Variants in SMC6 observed in about 807,000 individuals in gnomAD.
SMC6 encodes the protein structural maintenance of chromosomes protein 6.
In SMC6, 79 loss-of-function variants were observed where a neutral mutation model predicts 142.2. The ratio of observed to expected loss-of-function variants is 0.56; its 90% CI spans 0.46 to 0.67. The LOEUF is 0.67. Ranked by LOEUF, SMC6 falls within the 30% of genes least tolerant of loss-of-function variation. The probability of loss-of-function intolerance (pLI) is 0.00; values close to 1 mark genes in which losing one functional copy is unlikely to be tolerated. For missense variants in SMC6, 1,072 were observed against 1,284.0 expected (o/e 0.83, Z 2.52); for synonymous variants, 411 against 412.4 (o/e 1.00, Z 0.04).
In SMC6 at chr2:17,664,660, G is replaced by A. The variant is rs1294678095; in HGVS notation, c.*839C>T. ...CTTTTTAACACCCCTCAATTAGGAT[G>A]AGTCTTAGAATTGATGTCAGCTCAC... On this transcript the variant is annotated 3_prime_UTR_variant, in exon 28 of 28. Transcript: ENST00000448223. The A allele has an allele frequency of 6.6e-6, 1 of 152,170 alleles. No homozygotes were observed. The highest frequency in any genetic ancestry group is 6.5e-5 in the Admixed American group (1 of 15,280). The allele number at this position is 152,170 out of a possible 1,614,324, so 9.4% of individuals were successfully genotyped here.
At chr2:17,733,165 C>A (rs565936346) in intron 5 of SMC6, among the ~76,000 whole-genome samples, 120 of 152,324 alleles carry the variant, frequency 7.9e-4, no homozygotes, top group Non-Finnish European at 1.6e-3. Flanking sequence ...TACTCTAAAA[C>A]TGTTCCCATT....
At chr2:17,683,585 A>C in intron 24 of SMC6, 53 bp downstream of exon 24, 1 of 1,460,444 alleles carries the variant, frequency 6.8e-7, no homozygotes, top group East Asian at 2.3e-5. Context: ...TAATATGAAA[A>C]CAGAGAAACA....
intron 26 of SMC6, among the ~76,000 whole-genome samples, chr2:17,667,647 C>T (rs754398193): frequency 1.3e-5 from 2 of 152,050 alleles, no homozygotes; most frequent in Non-Finnish European, 2.9e-5. Flanking sequence ...GCCAGGAGCT[C>T]GAGATCAGCC....
At chr2:17,732,042 G>A (rs1382407877) in intron 5 of SMC6, among the ~76,000 whole-genome samples, 165 bp from the exon 6 acceptor site, 4 of 152,176 alleles carry the variant, frequency 2.6e-5, no homozygotes, top group Non-Finnish European at 2.9e-5. Context: ...ACAGCATAAC[G>A]TTAACGATAC....
intron 2 of SMC6, among the ~76,000 whole-genome samples, chr2:17,750,031 T>TG (rs1670948660): frequency 6.6e-6 from 1 of 152,220 alleles, no homozygotes; most frequent in African/African-American, 2.4e-5. Flanking sequence ...TTAAGTACAC[T>TG]GCTTGGAATA....
chr2:17,692,437 C>G (rs369988589), intron 23 of SMC6, among the ~76,000 whole-genome samples: 2 of 152,118 alleles, frequency 1.3e-5, no homozygotes, highest in Admixed American at 1.3e-4. Flanking sequence ...ACAAACCTCA[C>G]GAAAACAAGA....
chr2:17,666,883 G>A (rs1666521043), intron 26 of SMC6, among the ~76,000 whole-genome samples: 1 of 152,084 alleles, frequency 6.6e-6, no homozygotes, highest in South Asian at 2.1e-4. Context: ...TCGGGAGGCC[G>A]AGGCAGGAGG....
Position 17,718,230 on chromosome 2 carries a change from G to A in SMC6, c.946-7C>T. 1.3e-6 allele frequency: 2 copies of A among 1,563,706 alleles called. No homozygotes were observed. The highest frequency in any genetic ancestry group is 1.7e-6 in the Non-Finnish European group (2 of 1,156,400). ...CTGCCTCATTAAGTCTGACCTTTAA[G>A]AAAATAACATTATTGAAGTATATTT... On this transcript the variant is annotated splice_polypyrimidine_tract_variant and splice_region_variant and intron_variant, in intron 11 of 27. Coordinates refer to ENST00000448223, the MANE Select transcript of SMC6 (RefSeq NM_001142286.2).
intron 7 of SMC6, among the ~76,000 whole-genome samples, chr2:17,727,548 A>G (rs1420801630): frequency 2.6e-5 from 4 of 151,908 alleles, no homozygotes; most frequent in African/African-American, 9.7e-5. Flanking sequence ...CATATATGTA[A>G]AATCTCCTAT....
rs147549160 is a variant in SMC6 at position 17,703,066 on chromosome 2, T to C, written c.2142+91A>G. ...GGCTTGAGGCCAAAAGGTTTGAGAA[T>C]TGCTTGGAGTCAATAATGGGATCTT... is the stretch of plus-strand genomic sequence containing the variant. On this transcript the variant is annotated intron_variant, in intron 19 of 27. Coordinates refer to ENST00000448223, the MANE Select transcript of SMC6 (RefSeq NM_001142286.2). 2.4e-4 allele frequency: 196 copies of C among 801,822 alleles called. 2 individuals carry two copies. In the East Asian group the frequency reaches 4.2e-3, roughly 17 times the overall value. The allele number at this position is 801,822 out of a possible 1,614,324, so 49.7% of individuals were successfully genotyped here. A position where few individuals can be genotyped will look rare whatever the true frequency, so the allele number is the denominator to read the frequency against.
In SMC6 at chr2:17,721,203, G is replaced by T; in HGVS notation, c.785C>A (p.Ala262Asp). The T allele has an allele frequency of 6.2e-7, 1 of 1,611,448 alleles. No homozygotes were observed. Among genetic ancestry groups the T allele is most frequent in the Non-Finnish European group, 8.5e-7 (1 of 1,179,280 alleles). The stretch of plus-strand genomic sequence containing the variant: ...ATTAGTCTTCATTGTACTTAAACCA[G>T]CAATACTTTGAAAACGTTCCTCTTT... ...VEKEERFQSI[A>D]GLSTMKTNLE... The change falls in exon 10 of 28, where the codon GCT becomes GAT. Residue 262 changes from alanine (A) to aspartate (D), a missense_variant. Physicochemically the swap from Ala to Asp is moderately radical, Grantham distance 126. Around this residue, in one of 3 missense-constraint regions of SMC6, gnomAD observed 994 missense variants for 1,153.2 expected, o/e 0.86. Coordinates refer to ENST00000448223, the MANE Select transcript of SMC6 (RefSeq NM_001142286.2).
chr2:17,737,893 C>T (rs756422136), intron 5 of SMC6, among the ~76,000 whole-genome samples: 7 of 152,182 alleles, frequency 4.6e-5, no homozygotes, highest in Non-Finnish European at 1.0e-4. Flanking sequence ...GGGTTTGGGT[C>T]AATAGTCAGG....
Position 17,721,218 on chromosome 2 carries a change from C to T in SMC6, c.770G>A (p.Arg257His), listed in dbSNP as rs777809318. ...ACTTAAACCAGCAATACTTTGAAAA[C>T]GTTCCTCTTTCTCTACACACTGGCG... Reference protein sequence around the residue: ...LKRQCVEKEERFQSIAGLSTM... With the variant: ...LKRQCVEKEEHFQSIAGLSTM... The change falls in exon 10 of 28, where the codon CGT (arginine) becomes CAT (histidine). Residue 257 changes from arginine to histidine, a missense_variant. Arg to His is a conservative substitution (Grantham distance 29). Coordinates refer to ENST00000448223, the MANE Select transcript of SMC6 (RefSeq NM_001142286.2). 1.9e-6 allele frequency: 3 copies of T among 1,611,516 alleles called. No homozygotes were observed. Among genetic ancestry groups the T allele is most frequent in the Admixed American group, 1.7e-5 (1 of 59,514 alleles).
chr2:17,748,173 A>G (rs959229191), intron 2 of SMC6, among the ~76,000 whole-genome samples: 1 of 152,212 alleles, frequency 6.6e-6, no homozygotes, highest in East Asian at 1.9e-4. Context: ...AGTGTGGTCC[A>G]AGGACTGGCA....
At chr2:17,714,410 G>A (rs965270645) in intron 16 of SMC6, among the ~76,000 whole-genome samples, 7 of 152,106 alleles carry the variant, frequency 4.6e-5, no homozygotes, top group African/African-American at 1.7e-4. Flanking sequence ...CATTTTTAAA[G>A]TATTAGCCAG....
At chr2:17,751,806 C>G (rs1052564225) in intron 2 of SMC6, among the ~76,000 whole-genome samples, 2 of 152,172 alleles carry the variant, frequency 1.3e-5, no homozygotes, top group Non-Finnish European at 2.9e-5. Context: ...CAAGCTATCA[C>G]GGTAAAATTT....
chr2:17,701,415 A>G (rs1295276940), intron 20 of SMC6, among the ~76,000 whole-genome samples: 1 of 151,778 alleles, frequency 6.6e-6, no homozygotes. Context: ...TGATTTGAAA[A>G]AAAGAAAAAA....
intron 18 of SMC6, among the ~76,000 whole-genome samples, chr2:17,706,748 T>A (rs1050027602): frequency 6.6e-6 from 1 of 152,204 alleles, no homozygotes; most frequent in Non-Finnish European, 1.5e-5. Context: ...CTAGTAGCTG[T>A]ATTTTCCTAG....
chr2:17,729,190 C>T (rs1669786230), intron 7 of SMC6, among the ~76,000 whole-genome samples: 2 of 151,986 alleles, frequency 1.3e-5, no homozygotes, highest in Admixed American at 1.3e-4. Context: ...TAAGTTATTC[C>T]TTTATATTAA....
Sources: allele counts gnomAD v4.1 joint callset (sites outside exome capture counted in the v4.1 genomes callset), GRCh38; gene constraint gnomAD v4.1.1; regional missense constraint gnomAD v4.1.1; transcripts MANE v1.5; gene names NCBI Gene and HGNC (gene_info 2026-07-23, HGNC 2026-07-21).